The following HYDIN variants were observed in gnomAD, a reference collection of about 807,000 sequenced individuals.
The protein encoded by HYDIN is axonemal central pair apparatus protein HYDIN.
Under a neutral mutation model 403.9 loss-of-function variants are expected in HYDIN, and 132 were observed. The observed-to-expected ratio is 0.33, with a 90% CI of 0.28 to 0.38. The LOEUF (loss-of-function observed/expected upper bound fraction) is 0.38, where lower values mean the gene tolerates loss of function less well. Among genes scored for constraint, HYDIN ranks in the 10% least tolerant of loss-of-function variants. HYDIN has a pLI of 1.00. For synonymous variants in HYDIN, 1,202 were observed against 1,891.7 expected (o/e 0.64, Z 9.46); for missense variants, 2,827 against 5,009.5 (o/e 0.56, Z 13.15).
At chr16:71,136,993 C>T (rs1336884908) in intron 8 of HYDIN, among the ~76,000 whole-genome samples, 158 bp downstream of exon 8, 4 of 150,668 alleles carry the variant, frequency 2.7e-5, no homozygotes, top group Non-Finnish European at 5.9e-5. Flanking sequence ...AAATGAGCAG[C>T]TTCAAAAGAG....
chr16:70,978,083 C>G (rs2078938582), intron 30 of HYDIN, among the ~76,000 whole-genome samples: 1 of 152,076 alleles, frequency 6.6e-6, no homozygotes, highest in African/African-American at 2.4e-5. Context: ...GCACAGAAAT[C>G]TCACATTCGG....
At chr16:70,902,822 T>TATATATATATA (rs1491533720) in intron 52 of HYDIN, among the ~76,000 whole-genome samples, 7 of 17,206 alleles carry the variant, frequency 4.1e-4, no homozygotes, top group African/African-American at 9.2e-4. Flanking sequence ...TATATATATA[T>TATATATATATA]TTTTTTTTTT....
At chr16:70,942,555 A>C (rs930340627) in intron 42 of HYDIN, among the ~76,000 whole-genome samples, 1 of 152,250 alleles carries the variant, frequency 6.6e-6, no homozygotes, top group Non-Finnish European at 1.5e-5. Flanking sequence ...GGTAACAGTA[A>C]CCATTGAAGA....
intron 3 of HYDIN, among the ~76,000 whole-genome samples, chr16:71,184,457 T>C (rs2087045293): frequency 6.6e-6 from 1 of 152,166 alleles, no homozygotes; most frequent in Non-Finnish European, 1.5e-5. Flanking sequence ...TGAGCCAGAA[T>C]AGACAACGAA....
At chr16:70,981,046 G>A (rs2079030398) in intron 29 of HYDIN, among the ~76,000 whole-genome samples, 1 of 151,882 alleles carries the variant, frequency 6.6e-6, no homozygotes, top group South Asian at 2.1e-4. Context: ...TACCTTCCCA[G>A]TGGCATCTAG....
At chr16:70,831,510 G>GAAA (rs61309070) in intron 80 of HYDIN, among the ~76,000 whole-genome samples, 3 of 38,264 alleles carry the variant, frequency 7.8e-5, no homozygotes, top group Non-Finnish European at 1.1e-4. Context: ...CTCTGTCTCA[G>GAAA]AAAAAAAAAA....
At chr16:70,930,154 T>C (rs199936353) in intron 45 of HYDIN, among the ~76,000 whole-genome samples, 2,849 of 152,118 alleles carry the variant, frequency 0.019, 6 homozygotes, top group Middle Eastern at 0.072. Flanking sequence ...GTCATGGCAG[T>C]GTAGTGGCTG....
chr16:70,968,563 G>A (rs572706688), intron 36 of HYDIN, among the ~76,000 whole-genome samples: 2 of 152,056 alleles, frequency 1.3e-5, no homozygotes, highest in Non-Finnish European at 2.9e-5. Context: ...GTAATGAAGA[G>A]CTCCTCCTAC....
At chr16:71,212,697 A>C (rs1191966499) in intron 1 of HYDIN, among the ~76,000 whole-genome samples, 1 of 152,166 alleles carries the variant, frequency 6.6e-6, no homozygotes, top group Non-Finnish European at 1.5e-5. Flanking sequence ...AAGTTAAGAA[A>C]CATGGAGAAC....
chr16:70,994,120 C>T (rs1597490647), intron 23 of HYDIN, among the ~76,000 whole-genome samples: 1 of 152,150 alleles, frequency 6.6e-6, no homozygotes, highest in Admixed American at 6.5e-5. Context: ...AGGGAAAACA[C>T]TGGGCTGGCA....
intron 1 of HYDIN, among the ~76,000 whole-genome samples, chr16:71,216,546 A>T (rs953531838): frequency 2.6e-5 from 4 of 152,234 alleles, no homozygotes; most frequent in African/African-American, 9.6e-5. Context: ...CAGGATACCC[A>T]CATCCTAATC....
chr16:70,887,180 G>A (rs372692427), intron 58 of HYDIN, among the ~76,000 whole-genome samples: 6 of 152,272 alleles, frequency 3.9e-5, no homozygotes, highest in African/African-American at 7.2e-5. Flanking sequence ...AATGGCCTCC[G>A]AAAGATGTCC....
chr16:71,089,181 C>T (rs2083026819), intron 11 of HYDIN, among the ~76,000 whole-genome samples: 1 of 151,164 alleles, frequency 6.6e-6, no homozygotes, highest in South Asian at 2.1e-4. Context: ...ATGTTATTGC[C>T]CATAGGTGGT....
chr16:71,195,390 G>A (rs1209230722), intron 1 of HYDIN, among the ~76,000 whole-genome samples: 1 of 152,148 alleles, frequency 6.6e-6, no homozygotes, highest in Non-Finnish European at 1.5e-5. Context: ...GTGAGGGCAA[G>A]GGCTACTATA....
At chr16:70,994,317 G>A (rs2079459227) in intron 23 of HYDIN, among the ~76,000 whole-genome samples, 1 of 151,068 alleles carries the variant, frequency 6.6e-6, no homozygotes, top group South Asian at 2.1e-4. Flanking sequence ...ATGGATGGGT[G>A]TGTGGAATGT....
chr16:71,220,572 C>A (rs903545752), intron 1 of HYDIN, among the ~76,000 whole-genome samples: 5 of 152,314 alleles, frequency 3.3e-5, no homozygotes, highest in Middle Eastern at 3.4e-3. Flanking sequence ...CTGGCATTTG[C>A]TAAACCTGAA....
intron 58 of HYDIN, 91 bp from the exon 59 acceptor site, chr16:70,884,215 G>T: frequency 8.3e-7 from 1 of 1,211,562 alleles, no homozygotes; most frequent in African/African-American, 1.6e-5. Flanking sequence ...TGGAGAGGGG[G>T]AGGGACACGT....
At chr16:71,046,495 A>AT (rs1449126919) in intron 18 of HYDIN, among the ~76,000 whole-genome samples, 8 of 151,384 alleles carry the variant, frequency 5.3e-5, no homozygotes, top group East Asian at 3.9e-4. Context: ...CCAGAGGGAG[A>AT]TTTTTTCCTT....
rs2080425473 is a variant in HYDIN at position 71,020,090 on chromosome 16, G to T, written c.3330+84C>A. The T allele has an allele frequency of 4.8e-6, 6 of 1,243,362 alleles. No homozygotes were observed. In the South Asian group the frequency reaches 9.4e-5, roughly 20 times the overall value. The allele number at this position is 1,243,362 out of a possible 1,614,324, so 77.0% of individuals were successfully genotyped here. On this transcript the variant is annotated intron_variant, in intron 22 of 85. Coordinates refer to ENST00000393567, the MANE Select transcript of HYDIN (RefSeq NM_001270974.2). ...TTACATCTTTCTGAGCTGAAGTTGGGTGGTGTATCATTACTCTTCTCTTCC... is the reference window on the plus strand; with the variant it reads ...TTACATCTTTCTGAGCTGAAGTTGGTTGGTGTATCATTACTCTTCTCTTCC...
Sources: allele counts gnomAD v4.1 joint callset (sites outside exome capture counted in the v4.1 genomes callset), GRCh38; gene constraint gnomAD v4.1.1; transcripts MANE v1.5; gene names NCBI Gene and HGNC (gene_info 2026-07-23, HGNC 2026-07-21).